The following POLK variants were observed in gnomAD, a reference collection of about 807,000 sequenced individuals.
POLK encodes DNA polymerase kappa, also known as polymerase (DNA directed) kappa.
A neutral mutation model predicts 94.0 loss-of-function variants in POLK; 76 were observed. That is an observed-to-expected ratio of 0.81 (90% CI 0.67 to 0.98). POLK has a LOEUF of 0.98. Among genes scored for constraint, POLK ranks in the 50% least tolerant of loss-of-function variants. The probability of loss-of-function intolerance (pLI) is 0.00; values close to 1 mark genes in which losing one functional copy is unlikely to be tolerated. For missense variants in POLK, 954 were observed against 1,010.1 expected (o/e 0.94, Z 0.75); for synonymous variants, 349 against 325.4 (o/e 1.07, Z -0.78).
downstream of POLK, among the ~76,000 whole-genome samples, chr5:75,605,784 C>T (rs1773408135): frequency 6.6e-6 from 1 of 152,110 alleles, no homozygotes; most frequent in African/African-American, 2.4e-5. Flanking sequence ...TTTATACCTT[C>T]AGAGCAAGGA....
At chr5:75,536,158 A>G (rs1027720967) in intron 1 of POLK, among the ~76,000 whole-genome samples, 1 of 151,686 alleles carries the variant, frequency 6.6e-6, no homozygotes, top group Admixed American at 6.6e-5. Context: ...GGATTTGATT[A>G]TGGTATAAGG....
chr5:75,545,995 T>G (rs1243702559), intron 1 of POLK, among the ~76,000 whole-genome samples: 1 of 152,226 alleles, frequency 6.6e-6, no homozygotes, highest in Non-Finnish European at 1.5e-5. Context: ...CAGAAAATGC[T>G]AATTCCTTTC....
At chr5:75,592,144 C>T (rs1055900837) in intron 11 of POLK, among the ~76,000 whole-genome samples, 4 of 152,188 alleles carry the variant, frequency 2.6e-5, no homozygotes, top group African/African-American at 9.7e-5. Flanking sequence ...ATCACCACCA[C>T]CCATCTCTAG....
intron 3 of POLK, among the ~76,000 whole-genome samples, chr5:75,560,657 A>G (rs1044521056): frequency 1.3e-5 from 2 of 152,036 alleles, no homozygotes; most frequent in Non-Finnish European, 2.9e-5. Flanking sequence ...TACTAATGCT[A>G]TCCCTTCCCT....
At chr5:75,537,647 TA>T (rs1769513873) in intron 1 of POLK, among the ~76,000 whole-genome samples, 1 of 152,216 alleles carries the variant, frequency 6.6e-6, no homozygotes, top group Non-Finnish European at 1.5e-5. Context: ...ACTTCTGCTA[TA>T]ATCTATTTGT....
chr5:75,568,114 T>C (rs1246839731), intron 3 of POLK, among the ~76,000 whole-genome samples: 1 of 152,196 alleles, frequency 6.6e-6, no homozygotes, highest in Non-Finnish European at 1.5e-5. Flanking sequence ...GAAAACTTGC[T>C]AGAGGGAACT....
chr5:75,576,786 G>T lies in POLK; in HGVS notation c.547G>T (p.Glu183Ter). 6.7e-7 allele frequency: 1 copy of T among 1,499,080 alleles called. No individual in the cohort carries two copies. The highest frequency in any genetic ancestry group is 1.4e-5 in the South Asian group (1 of 70,902). The allele number at this position is 1,499,080 out of a possible 1,614,324, so 92.9% of individuals were successfully genotyped here. A position where few individuals can be genotyped will look rare whatever the true frequency, so the allele number is the denominator to read the frequency against. Residue 183 changes from glutamate to a stop codon, truncating the protein, a stop_gained, in exon 6 of 15, where the codon GAA (glutamate) becomes TAA (stop). Transcript: ENST00000241436. LOFTEE classifies it high-confidence loss of function. ...TTTTTTGTTTCCTTTGAAGGTTAAG[G>T]AAATACTTGCTGATTATGATCCCAA...
At chr5:75,522,683 A>T (rs1038012591) in intron 1 of POLK, among the ~76,000 whole-genome samples, 1 of 152,112 alleles carries the variant, frequency 6.6e-6, no homozygotes, top group Non-Finnish European at 1.5e-5. Flanking sequence ...TATTTTTAGC[A>T]TATCTCCTAA....
intron 3 of POLK, among the ~76,000 whole-genome samples, chr5:75,563,042 G>C (rs1269526250): frequency 6.6e-6 from 1 of 152,158 alleles, no homozygotes; most frequent in Non-Finnish European, 1.5e-5. Flanking sequence ...AGTTAGCGGG[G>C]AGTCCCTCTT....
rs1226921742 is a variant in POLK, at chr5:75,582,007, A to G, written c.934+559A>G. The G allele has an allele frequency of 7.1e-6, 7 of 985,608 alleles. No individual in the cohort carries two copies. In the African/African-American group the frequency reaches 1.2e-4, roughly 17 times the overall value. The allele number at this position is 985,608 out of a possible 1,614,324, so 61.1% of individuals were successfully genotyped here. Reference sequence around the variant, plus strand: ...AAATTTCATATAGCTATCTTTTTCTAGCACAAAATATATTTTTATTGGTTT... The same window carrying G: ...AAATTTCATATAGCTATCTTTTTCTGGCACAAAATATATTTTTATTGGTTT... On this transcript the variant is annotated intron_variant, in intron 7 of 14. Coordinates refer to ENST00000241436, the Ensembl canonical transcript of POLK.
rs537078630 is a variant in POLK, at chr5:75,582,881, G to A, written c.935-412G>A. ...GGAGAATCGCTTGAACCCAGGAGGC[G>A]GAGGTTGCAGTGAGCCAAGATCACG... On this transcript the variant is annotated intron_variant, in intron 7 of 14. Transcript: ENST00000241436. 9.0e-4 allele frequency: 140 copies of A among 154,856 alleles called. 1 individual carries two copies. Among genetic ancestry groups the A allele is most frequent in the African/African-American group, 3.3e-3 (137 of 41,418 alleles). The allele number at this position is 154,856 out of a possible 1,614,324, so 9.6% of individuals were successfully genotyped here. A position where few individuals can be genotyped will look rare whatever the true frequency, so the allele number is the denominator to read the frequency against.
At chr5:75,573,148 T>C (rs1192976486) in intron 4 of POLK, among the ~76,000 whole-genome samples, 1 of 151,816 alleles carries the variant, frequency 6.6e-6, no homozygotes, top group East Asian at 1.9e-4. Flanking sequence ...ATTAAGAAAA[T>C]GTGGCACATA....
At chr5:75,550,246 C>T (rs1214078001) in intron 2 of POLK, among the ~76,000 whole-genome samples, 1 of 152,094 alleles carries the variant, frequency 6.6e-6, no homozygotes, top group Non-Finnish European at 1.5e-5. Context: ...AGAGATTATG[C>T]ACCATAACCA....
At chr5:75,573,591 C>A in intron 4 of POLK, 147 bp from the exon 5 acceptor site, 2 of 638,806 alleles carry the variant, frequency 3.1e-6, no homozygotes, top group South Asian at 2.0e-5. Flanking sequence ...TTTTGGAAAA[C>A]AACAAAAACA....
At chr5:75,543,335 C>A (rs1307201442) in intron 1 of POLK, among the ~76,000 whole-genome samples, 1 of 152,140 alleles carries the variant, frequency 6.6e-6, no homozygotes, top group African/African-American at 2.4e-5. Context: ...TCACTGCTCC[C>A]AGCTGTGCCT....
chr5:75,548,353 A>ATTT (rs1218944379), intron 2 of POLK, among the ~76,000 whole-genome samples: 1 of 151,748 alleles, frequency 6.6e-6, no homozygotes, highest in Non-Finnish European at 1.5e-5. Flanking sequence ...CTGTTCAGAA[A>ATTT]TTTTTTGTTT....
exon 2 of POLK, chr5:75,547,020 AC>A: frequency 1.3e-6 from 2 of 1,485,560 alleles, no homozygotes; most frequent in Non-Finnish European, 1.8e-6. Context: ...ATAAGTTTAT[AC>A]CATGGATAGC....
chr5:75,589,388 TACACACACACACACACACACACACAC>T (rs71600465), intron 10 of POLK, among the ~76,000 whole-genome samples: 20 of 128,320 alleles, frequency 1.6e-4, no homozygotes, highest in Admixed American at 1.1e-3. Flanking sequence ...TATACACACA[TACACACACACACACACACACACACAC>T]ACACACACAC....
At chr5:75,590,704 C>T (rs1201527658) in intron 11 of POLK, among the ~76,000 whole-genome samples, 1 of 152,142 alleles carries the variant, frequency 6.6e-6, no homozygotes, top group Non-Finnish European at 1.5e-5. Flanking sequence ...TTCTGTACCT[C>T]AGGAGTACAT....
Sources: allele counts gnomAD v4.1 joint callset (sites outside exome capture counted in the v4.1 genomes callset), GRCh38; gene constraint gnomAD v4.1.1; transcripts MANE v1.5; gene names NCBI Gene and HGNC (gene_info 2026-07-23, HGNC 2026-07-21).